The following CREB3L2 variants were observed in gnomAD, a reference collection of about 807,000 sequenced individuals.
CREB3L2 encodes the protein cyclic AMP-responsive element-binding protein 3-like protein 2.
Under a neutral mutation model 57.2 loss-of-function variants are expected in CREB3L2, and 23 were observed. That is an observed-to-expected ratio of 0.40 (90% confidence interval 0.29 to 0.57). The LOEUF (loss-of-function observed/expected upper bound fraction) is 0.57, where lower values mean the gene tolerates loss of function less well. Among genes scored for constraint, CREB3L2 ranks in the 20% least tolerant of loss-of-function variants. The pLI is 0.42. For synonymous variants in CREB3L2, 268 were observed against 265.1 expected, an observed-to-expected ratio of 1.01 and a Z score of -0.11; for missense variants, 628 against 634.7, an observed-to-expected ratio of 0.99 and a Z score of 0.11.
At chr7:137,946,367 G>GA (rs1000738188) in intron 1 of CREB3L2, among the ~76,000 whole-genome samples, 3 of 143,004 alleles carry the variant, frequency 2.1e-5, no homozygotes, top group Admixed American at 7.2e-5. Context: ...CTAGAAATGA[G>GA]AAAAATTTTC....
At chr7:137,978,510 A>G (rs1801649530) in intron 1 of CREB3L2, among the ~76,000 whole-genome samples, 1 of 152,184 alleles carries the variant, frequency 6.6e-6, no homozygotes, top group African/African-American at 2.4e-5. Flanking sequence ...CCTGAGCTCA[A>G]ATCAACCAAG....
chr7:137,962,027 G>A (rs764709437), intron 1 of CREB3L2, among the ~76,000 whole-genome samples: 2 of 152,052 alleles, frequency 1.3e-5, no homozygotes, highest in Admixed American at 6.6e-5. Context: ...ACCTCCACGC[G>A]CCTGCTCTGC....
chr7:137,961,335 T>G (rs1265895493), intron 1 of CREB3L2, among the ~76,000 whole-genome samples: 1 of 152,156 alleles, frequency 6.6e-6, no homozygotes. Flanking sequence ...AGTACGTATG[T>G]CTCTGAATTG....
In CREB3L2 at chr7:137,878,612, A is replaced by C. The variant is rs900466294; in HGVS notation, c.*1864T>G. On this transcript the variant is annotated 3_prime_UTR_variant, in exon 12 of 12. Transcript: ENST00000330387. ...GCCCTGGCTAATGGGAGGGACAACA[A>C]GAACCCTCCAGACAACAGGGCTGCC... is the stretch of plus-strand genomic sequence containing the variant. 8.6e-6 allele frequency: 2 copies of C among 233,498 alleles called. No homozygotes were observed. Among genetic ancestry groups the C allele is most frequent in the African/African-American group, 2.2e-5 (1 of 45,340 alleles). The allele number at this position is 233,498 out of a possible 1,614,324, so 14.5% of individuals were successfully genotyped here. A position where few individuals can be genotyped will look rare whatever the true frequency, so the allele number is the denominator to read the frequency against.
intron 1 of CREB3L2, among the ~76,000 whole-genome samples, chr7:137,974,397 C>G (rs971808262): frequency 6.6e-6 from 1 of 152,104 alleles, no homozygotes; most frequent in African/African-American, 2.4e-5. Context: ...GTGTTCCAAC[C>G]AGGACCAACC....
intron 1 of CREB3L2, among the ~76,000 whole-genome samples, chr7:137,962,614 C>T (rs1249042936): frequency 1.3e-5 from 2 of 152,158 alleles, no homozygotes; most frequent in East Asian, 3.9e-4. Context: ...CTCCCCACCA[C>T]CCTGTGTAAG....
rs1422100175 is a variant in CREB3L2 at position 137,880,756 on chromosome 7, C to G, written c.1488-205G>C. Among the ~76,000 whole-genome samples, 1 of 152,136 alleles carries G rather than the reference C, an allele frequency of 6.6e-6. No homozygotes were observed. Among genetic ancestry groups the G allele is most frequent in the African/African-American group, 2.4e-5 (1 of 41,408 alleles). On this transcript the variant is annotated intron_variant, in intron 11 of 11. Transcript: ENST00000330387. The surrounding 1 kb of genome is among the most constrained non-coding windows in gnomAD (Gnocchi z 4.0). ...CCTCTCCACTAGTCCACATTCCTAC[C>G]TTTATCTACACCCAAGGCATCCCAA...
At chr7:137,956,401 G>A (rs538639598) in intron 1 of CREB3L2, among the ~76,000 whole-genome samples, 68 of 152,280 alleles carry the variant, frequency 4.5e-4, no homozygotes, top group African/African-American at 1.5e-3. Flanking sequence ...AAATCGTTTC[G>A]CAGTGTTAGC....
chr7:137,966,609 A>T (rs1413770149), intron 1 of CREB3L2, among the ~76,000 whole-genome samples: 1 of 152,258 alleles, frequency 6.6e-6, no homozygotes, highest in Non-Finnish European at 1.5e-5. Context: ...AGAACAGGAA[A>T]TAACATATTT....
intron 1 of CREB3L2, among the ~76,000 whole-genome samples, chr7:137,959,095 T>C (rs1801272150): frequency 6.6e-6 from 1 of 152,236 alleles, no homozygotes; most frequent in South Asian, 2.1e-4. Context: ...ATGAGGACTG[T>C]AGAGTCCCCA....
rs1375551411 is a variant in CREB3L2, at chr7:137,885,412, G to A, written c.1134C>T (p.Thr378=). The A allele has an allele frequency of 1.2e-6, 2 of 1,613,698 alleles. No individual in the cohort carries two copies. Among genetic ancestry groups the A allele is most frequent in the Non-Finnish European group, 1.7e-6 (2 of 1,179,740 alleles). Residue 378 remains threonine, a synonymous_variant, in exon 9 of 12, where the codon ACC becomes ACT. Coordinates refer to ENST00000330387, the MANE Select transcript of CREB3L2 (RefSeq NM_194071.4). ...CTGCTGGGAAGCTCACCATGAGGCA[G>A]GTGCCAGTCTGCGTGCCAGCTAACT... is the stretch of plus-strand genomic sequence containing the variant. ...TCKLAGTQTG[T]CLMVVVLCFA...
chr7:137,921,883 G>C (rs538076066), intron 2 of CREB3L2, among the ~76,000 whole-genome samples: 2 of 151,496 alleles, frequency 1.3e-5, no homozygotes, highest in Non-Finnish European at 2.9e-5. Flanking sequence ...CGATCCTGCC[G>C]CCTCAGCCTC....
intron 1 of CREB3L2, chr7:137,953,286 T>A (rs1414329926): frequency 2.7e-6 from 1 of 368,150 alleles, no homozygotes; most frequent in Non-Finnish European, 5.4e-6. Flanking sequence ...CCCGGTGGTG[T>A]TTCACTGAAA....
Position 137,878,197 on chromosome 7 carries a change from G to A in CREB3L2, c.*2279C>T, listed in dbSNP as rs1799202018. 1 of 232,026 alleles carries A rather than the reference G, an allele frequency of 4.3e-6. No individual in the cohort carries two copies. Among genetic ancestry groups the A allele is most frequent in the Non-Finnish European group, 8.5e-6 (1 of 117,282 alleles). 14.4% of individuals were successfully genotyped at this position (232,026 alleles called of 1,614,324 possible). On this transcript the variant is annotated 3_prime_UTR_variant, in exon 12 of 12. Transcript: ENST00000330387. The stretch of plus-strand genomic sequence containing the variant: ...CTCAAAGCACTAAGGACAGGGGCTA[G>A]AAGTTTCCTTTATCTTCTCCCTCCT...
chr7:137,970,879 C>T (rs1801494323), intron 1 of CREB3L2, among the ~76,000 whole-genome samples: 1 of 152,208 alleles, frequency 6.6e-6, no homozygotes, highest in Non-Finnish European at 1.5e-5. Flanking sequence ...TCTCCTCCAG[C>T]TATTTCTCCA....
At chr7:137,935,234 C>T (rs1800755454) in intron 1 of CREB3L2, among the ~76,000 whole-genome samples, 1 of 152,200 alleles carries the variant, frequency 6.6e-6, no homozygotes, top group South Asian at 2.1e-4. Context: ...ACGTAATACA[C>T]CTAACACTTC....
chr7:137,908,200 G>T, intron 5 of CREB3L2, 52 bp downstream of exon 5: 1 of 1,169,552 alleles, frequency 8.6e-7, no homozygotes, highest in Non-Finnish European at 1.1e-6. Context: ...AGCCCCAGGG[G>T]AATGAATGGA....
intron 7 of CREB3L2, among the ~76,000 whole-genome samples, 181 bp from the exon 8 acceptor site, chr7:137,901,603 G>A (rs947721001): frequency 6.6e-6 from 1 of 151,560 alleles, no homozygotes; most frequent in Non-Finnish European, 1.5e-5. Context: ...AAAATAGGCC[G>A]GGCACGGTGG....
chr7:137,973,414 C>T (rs989107995), intron 1 of CREB3L2, among the ~76,000 whole-genome samples: 1 of 151,994 alleles, frequency 6.6e-6, no homozygotes, highest in African/African-American at 2.4e-5. Flanking sequence ...AGCGGCCCAC[C>T]GGCGCCTATT....
Sources: allele counts gnomAD v4.1 joint callset (sites outside exome capture counted in the v4.1 genomes callset), GRCh38; gene constraint gnomAD v4.1.1; non-coding constraint Gnocchi (gnomAD v3.1); transcripts MANE v1.5; gene names NCBI Gene and HGNC (gene_info 2026-07-23, HGNC 2026-07-21).